KCNC2: variants seen among roughly 807,000 people sequenced by gnomAD.
KCNC2 encodes potassium voltage-gated channel subfamily C member 2.
KCNC2 carries 21 observed loss-of-function variants against 44.5 expected under a neutral mutation model. That is an observed-to-expected ratio of 0.47 (90% confidence interval 0.33 to 0.68). The LOEUF (loss-of-function observed/expected upper bound fraction) is 0.68. Among genes scored for constraint, KCNC2 ranks in the 30% least tolerant of loss-of-function variants. KCNC2 has a pLI of 0.01. For missense variants in KCNC2, 589 were observed against 826.2 expected, an observed-to-expected ratio of 0.71 and a Z score of 3.52; for synonymous variants, 391 against 339.1, an observed-to-expected ratio of 1.15 and a Z score of -1.68.
chr12:75,129,704 C>T (rs539093392), intron 2 of KCNC2, among the ~76,000 whole-genome samples: 2 of 151,104 alleles, frequency 1.3e-5, no homozygotes, highest in East Asian at 3.9e-4. Flanking sequence ...GTGGATATCA[C>T]GCAAAAAAAA....
chr12:75,111,665 C>A (rs1887257422), intron 2 of KCNC2, among the ~76,000 whole-genome samples: 1 of 151,364 alleles, frequency 6.6e-6, no homozygotes, highest in East Asian at 1.9e-4. Flanking sequence ...ATTAAGTATT[C>A]TTAACATCCG....
chr12:75,052,608 G>T (rs1288699778), intron 2 of KCNC2, among the ~76,000 whole-genome samples: 1 of 152,024 alleles, frequency 6.6e-6, no homozygotes. Flanking sequence ...GCGGAGGGAG[G>T]TTCTTACTTG....
At chr12:75,177,347 A>G (rs1057427959) in intron 2 of KCNC2, among the ~76,000 whole-genome samples, 4 of 151,972 alleles carry the variant, frequency 2.6e-5, no homozygotes, top group Non-Finnish European at 4.4e-5. Flanking sequence ...TAGAATCCCA[A>G]TAGTTTTAAA....
intron 2 of KCNC2, among the ~76,000 whole-genome samples, chr12:75,054,848 C>T (rs1347324657): frequency 1.3e-5 from 2 of 152,076 alleles, no homozygotes; most frequent in African/African-American, 4.8e-5. Flanking sequence ...AATGGGTGAC[C>T]CAGTGGCTTT....
At chr12:75,087,416 T>C (rs1044099187) in intron 2 of KCNC2, among the ~76,000 whole-genome samples, 24 of 152,122 alleles carry the variant, frequency 1.6e-4, no homozygotes, top group Admixed American at 9.2e-4. Flanking sequence ...CAGAGAAATA[T>C]CTGTTGATGC....
intron 2 of KCNC2, among the ~76,000 whole-genome samples, chr12:75,104,061 G>A (rs1163621818): frequency 6.6e-6 from 1 of 151,254 alleles, no homozygotes; most frequent in Admixed American, 6.6e-5. Context: ...GGATCATCGA[G>A]CCATGACAAT....
intron 2 of KCNC2, among the ~76,000 whole-genome samples, chr12:75,099,211 G>A (rs891131906): frequency 2.0e-5 from 3 of 152,138 alleles, no homozygotes; most frequent in African/African-American, 4.8e-5. Flanking sequence ...ACAAATGCAA[G>A]GTGCCATTTG....
chr12:75,048,888 A>G (rs1880858428), intron 3 of KCNC2, among the ~76,000 whole-genome samples: 1 of 152,096 alleles, frequency 6.6e-6, no homozygotes, highest in African/African-American at 2.4e-5. Context: ...AACTTCTCCA[A>G]ATGTCCTTGA....
chr12:75,041,087 C>T lies in KCNC2; in HGVS notation c.*2018G>A. 6.3e-7 allele frequency: 1 copy of T among 1,594,530 alleles called. No homozygotes were observed. Among genetic ancestry groups the T allele is most frequent in the East Asian group, 2.2e-5 (1 of 44,760 alleles). ...ACGCGAGGATCTCTTCCAAGTGCAA[C>T]CTGGTCACATCAGGGCACATTCAGC... On this transcript the variant is annotated 3_prime_UTR_variant, in exon 5 of 5. Coordinates refer to ENST00000549446, the MANE Select transcript of KCNC2 (RefSeq NM_139137.4).
At chr12:75,208,980 G>C (rs1011828386) in intron 1 of KCNC2, among the ~76,000 whole-genome samples, 1 of 151,978 alleles carries the variant, frequency 6.6e-6, no homozygotes, top group Non-Finnish European at 1.5e-5. Context: ...TTCTAGGAGG[G>C]GCGAGGCTCG....
chr12:75,043,038 C>G lies in KCNC2; in HGVS notation c.*67G>C. On this transcript the variant is annotated 3_prime_UTR_variant, in exon 5 of 5. Coordinates refer to ENST00000549446, the MANE Select transcript of KCNC2 (RefSeq NM_139137.4). ...GGAGTAACTCTACATTTAATTATTT[C>G]CATTATGGGGTAAACAGCACTTGAA... The G allele has an allele frequency of 6.3e-7, 1 of 1,588,680 alleles. No homozygotes were observed. Among genetic ancestry groups the G allele is most frequent in the Non-Finnish European group, 8.6e-7 (1 of 1,167,200 alleles).
chr12:75,057,806 A>G (rs530479054), intron 2 of KCNC2, among the ~76,000 whole-genome samples: 11 of 152,022 alleles, frequency 7.2e-5, no homozygotes, highest in African/African-American at 2.6e-4. Flanking sequence ...TAAAAAAAAT[A>G]CCCAAAATTA....
intron 2 of KCNC2, among the ~76,000 whole-genome samples, chr12:75,165,067 C>T (rs1891358076): frequency 6.6e-6 from 1 of 151,578 alleles, no homozygotes; most frequent in Non-Finnish European, 1.5e-5. Context: ...TGATCACCTA[C>T]AGTTCCTTAG....
At chr12:75,077,384 C>T (rs556429353) in intron 2 of KCNC2, among the ~76,000 whole-genome samples, 29 of 152,242 alleles carry the variant, frequency 1.9e-4, no homozygotes, top group African/African-American at 6.5e-4. Flanking sequence ...ACAATAATTA[C>T]GTTCCACACA....
rs1016296158 is a variant in KCNC2, at chr12:75,042,600, G to C, written c.*505C>G. ...TTCGATGCAAGTACACATATCCTGA[G>C]CTATCCACAGTCCCCGAACTCTGCA... On this transcript the variant is annotated 3_prime_UTR_variant, in exon 5 of 5. Coordinates refer to ENST00000549446, the MANE Select transcript of KCNC2 (RefSeq NM_139137.4). The C allele has an allele frequency of 3.6e-5, 48 of 1,332,518 alleles. No homozygotes were observed. The highest frequency in any genetic ancestry group is 1.9e-6 in the Non-Finnish European group (2 of 1,042,406). The allele number at this position is 1,332,518 out of a possible 1,614,324, so 82.5% of individuals were successfully genotyped here. A position where few individuals can be genotyped will look rare whatever the true frequency, so the allele number is the denominator to read the frequency against.
At chr12:75,192,320 G>A (rs1398441503) in intron 2 of KCNC2, among the ~76,000 whole-genome samples, 2 of 152,198 alleles carry the variant, frequency 1.3e-5, no homozygotes, top group African/African-American at 2.4e-5. Context: ...AGGACAATCA[G>A]TGCCATCTAT....
intron 2 of KCNC2, among the ~76,000 whole-genome samples, chr12:75,142,303 T>C (rs188129017): frequency 1.4e-3 from 211 of 152,262 alleles, no homozygotes; most frequent in African/African-American, 4.9e-3. Context: ...AAAGCACAAA[T>C]CTGCAAATGT....
intron 2 of KCNC2, among the ~76,000 whole-genome samples, chr12:75,145,133 T>C (rs1435109900): frequency 2.0e-5 from 3 of 152,236 alleles, no homozygotes; most frequent in African/African-American, 4.8e-5. Flanking sequence ...GAGTCATTTA[T>C]CTGCCCACCT....
chr12:75,068,443 AG>A (rs1883054049), intron 2 of KCNC2, among the ~76,000 whole-genome samples: 1 of 152,356 alleles, frequency 6.6e-6, no homozygotes, highest in South Asian at 2.1e-4. Context: ...AACAGATTCA[AG>A]ACACATTTCT....
Sources: allele counts gnomAD v4.1 joint callset (sites outside exome capture counted in the v4.1 genomes callset), GRCh38; gene constraint gnomAD v4.1.1; transcripts MANE v1.5; gene names NCBI Gene and HGNC (gene_info 2026-07-23, HGNC 2026-07-21).